The following TGM6 variants were observed in gnomAD, a reference collection of about 807,000 sequenced individuals.
TGM6 encodes protein-glutamine gamma-glutamyltransferase 6.
TGM6 carries 74 observed loss-of-function variants against 77.5 expected under a neutral mutation model. The observed-to-expected ratio is 0.96, with a 90% confidence interval of 0.79 to 1.16. The LOEUF (loss-of-function observed/expected upper bound fraction) is 1.16. Among genes scored for constraint, TGM6 ranks in the 50% most tolerant of loss-of-function variants. TGM6 has a pLI of 0.00. For missense variants in TGM6, 968 were observed against 940.2 expected (o/e 1.03, Z -0.39); for synonymous variants, 383 against 378.9 (o/e 1.01, Z -0.12).
At chr20:2,386,556 T>C (rs941434165) in intron 1 of TGM6, among the ~76,000 whole-genome samples, 4 of 152,104 alleles carry the variant, frequency 2.6e-5, no homozygotes, top group African/African-American at 9.7e-5. Context: ...GGAAGGGCTT[T>C]CTAACATTGG....
At chr20:2,393,609 C>T (rs2084642484) in intron 1 of TGM6, among the ~76,000 whole-genome samples, 2 of 152,142 alleles carry the variant, frequency 1.3e-5, no homozygotes, top group African/African-American at 2.4e-5. Context: ...TCTGAGCTCA[C>T]GGCAACTTCC....
chr20:2,431,113 TGA>T (rs1452809100), intron 12 of TGM6, 86 bp downstream of exon 12: 2 of 1,571,178 alleles, frequency 1.3e-6, no homozygotes, highest in Non-Finnish European at 1.7e-6. Flanking sequence ...GATGGGGGTG[TGA>T]GAGAGATTCT....
intron 1 of TGM6, among the ~76,000 whole-genome samples, chr20:2,385,089 G>A (rs2422758): frequency 0.89 from 135,271 of 152,176 alleles, 60,356 homozygotes; most frequent in Middle Eastern, 0.93. Context: ...CTGGGACCAT[G>A]ATCACGTATT....
chr20:2,382,214 TAAC>T (rs2084559848), intron 1 of TGM6, among the ~76,000 whole-genome samples: 1 of 152,258 alleles, frequency 6.6e-6, no homozygotes, highest in African/African-American at 2.4e-5. Context: ...TCCTGGCAGT[TAAC>T]AGCATTGCTG....
At chr20:2,431,177 T>G in intron 12 of TGM6, 150 bp downstream of exon 12, 1 of 901,186 alleles carries the variant, frequency 1.1e-6, no homozygotes, top group South Asian at 2.0e-5. Flanking sequence ...TTCATTCACT[T>G]ATTTATTCCT....
At chr20:2,414,489 G>A (rs868191493) in intron 9 of TGM6, among the ~76,000 whole-genome samples, 1 of 152,136 alleles carries the variant, frequency 6.6e-6, no homozygotes. Flanking sequence ...CAGCCACTTT[G>A]GAAAACACTT....
In TGM6 at chr20:2,417,228, G is replaced by A. The variant is rs779442029; in HGVS notation, c.1337-4G>A. On this transcript the variant is annotated splice_region_variant and splice_polypyrimidine_tract_variant and intron_variant, in intron 9 of 12. Coordinates refer to ENST00000202625, the MANE Select transcript of TGM6 (RefSeq NM_198994.3). ...TGCCGCTGACGTTGTGTGATGCCCT[G>A]CAGGGTCCCGGAAAGAGAGGCAGGT... The A allele has an allele frequency of 6.3e-6, 10 of 1,593,644 alleles. No individual in the cohort carries two copies. Among genetic ancestry groups the A allele is most frequent in the Non-Finnish European group, 8.5e-6 (10 of 1,170,270 alleles).
At chr20:2,411,717 G>A (rs1329319088) in intron 9 of TGM6, among the ~76,000 whole-genome samples, 1 of 152,124 alleles carries the variant, frequency 6.6e-6, no homozygotes, top group African/African-American at 2.4e-5. Flanking sequence ...ATATCTATGT[G>A]CAAAAGACTG....
intron 1 of TGM6, among the ~76,000 whole-genome samples, chr20:2,384,846 C>T (rs1422720345): frequency 6.6e-6 from 1 of 152,136 alleles, no homozygotes; most frequent in African/African-American, 2.4e-5. Context: ...ACATCCTTTC[C>T]CTGTGCCTGG....
intron 1 of TGM6, among the ~76,000 whole-genome samples, chr20:2,391,814 C>T (rs1244485021): frequency 2.0e-5 from 3 of 152,182 alleles, no homozygotes; most frequent in Non-Finnish European, 2.9e-5. Context: ...GCAGACTCTT[C>T]ATCCCACTCC....
intron 9 of TGM6, among the ~76,000 whole-genome samples, chr20:2,408,818 A>T (rs1158113551): frequency 6.6e-6 from 1 of 152,224 alleles, no homozygotes; most frequent in African/African-American, 2.4e-5. Context: ...CTTAAAGGAT[A>T]AAGGAGCTGA....
At chr20:2,392,399 A>T (rs1406161197) in intron 1 of TGM6, among the ~76,000 whole-genome samples, 1 of 152,174 alleles carries the variant, frequency 6.6e-6, no homozygotes, top group Admixed American at 6.5e-5. Flanking sequence ...GCCCTCTGTT[A>T]GTGTTCTTTC....
intron 10 of TGM6, among the ~76,000 whole-genome samples, chr20:2,421,422 G>A (rs2084855838): frequency 6.6e-6 from 1 of 152,220 alleles, no homozygotes; most frequent in Non-Finnish European, 1.5e-5. Context: ...GAATATATGA[G>A]CATTCCTGTT....
At chr20:2,404,647 T>C (rs974998077) in intron 9 of TGM6, among the ~76,000 whole-genome samples, 3 of 151,978 alleles carry the variant, frequency 2.0e-5, no homozygotes, top group Non-Finnish European at 2.9e-5. Context: ...TGCACTTTTT[T>C]TTTTTTCTTT....
intron 1 of TGM6, among the ~76,000 whole-genome samples, chr20:2,382,206 C>G (rs774656317): frequency 3.9e-5 from 6 of 152,174 alleles, no homozygotes; most frequent in Non-Finnish European, 7.3e-5. Flanking sequence ...ATATTTCCTC[C>G]TGGCAGTTAA....
At chr20:2,418,269 G>A (rs957091077) in intron 10 of TGM6, among the ~76,000 whole-genome samples, 5 of 152,188 alleles carry the variant, frequency 3.3e-5, no homozygotes, top group African/African-American at 9.7e-5. Context: ...AAAGTGCTGG[G>A]ATGACAGGCT....
Position 2,399,570 on chromosome 20 carries a change from A to C in TGM6, c.682A>C (p.Asn228His). 6.2e-7 allele frequency: 1 copy of C among 1,612,798 alleles called. No homozygotes were observed. Among genetic ancestry groups the C allele is most frequent in the Non-Finnish European group, 8.5e-7 (1 of 1,179,912 alleles). ...GCCCTCCTCTGCCCAGGTGAACAGC[A>C]ACAACGACCGAGGTGTGGTGCAAGG... ...TRVISAMVNS[N>H]NDRGVVQGQW... The change falls in exon 6 of 13, where the codon AAC becomes CAC. Residue 228 changes from asparagine to histidine, a missense_variant. Physicochemically the swap from Asn to His is moderately conservative, Grantham distance 68 (BLOSUM62 1). Coordinates refer to ENST00000202625, the MANE Select transcript of TGM6 (RefSeq NM_198994.3).
chr20:2,394,562 C>A lies in TGM6; in HGVS notation c.118C>A (p.Leu40Ile). The change falls in exon 2 of 13, where the codon CTC (leucine) becomes ATC (isoleucine). Residue 40 changes from leucine to isoleucine, a missense_variant. Leu to Ile is a conservative substitution (Grantham distance 5, BLOSUM62 2). Transcript: ENST00000202625. ...LVVRRGQSFS[L>I]TLELSRALDC... ...GGTTCGCAGGGGCCAGTCGTTCAGC[C>A]TCACGCTGGAGCTGAGCAGAGCCCT... 1.2e-6 allele frequency: 2 copies of A among 1,612,404 alleles called. No homozygotes were observed. The highest frequency in any genetic ancestry group is 1.7e-6 in the Non-Finnish European group (2 of 1,179,876).
In TGM6 at chr20:2,432,750, A is replaced by G; in HGVS notation, c.*107A>G. ...GGAGGCCTCAGTTAATCCTGCCTCA[A>G]CCTCTGCCCTACTTTGTAAACTTAG... On this transcript the variant is annotated 3_prime_UTR_variant, in exon 13 of 13. Coordinates refer to ENST00000202625, the MANE Select transcript of TGM6 (RefSeq NM_198994.3). 2 of 1,502,632 alleles carry G rather than the reference A, an allele frequency of 1.3e-6. No individual in the cohort carries two copies. Among genetic ancestry groups the G allele is most frequent in the South Asian group, 1.1e-5 (1 of 87,706 alleles). 93.1% of individuals were successfully genotyped at this position (1,502,632 alleles called of 1,614,324 possible).
Sources: gnomAD v4.1 joint callset for allele counts (sites outside exome capture counted in the v4.1 genomes callset) on GRCh38, gnomAD v4.1.1 for gene constraint, MANE v1.5 for transcripts, NCBI Gene and HGNC (gene_info 2026-07-23, HGNC 2026-07-21) for gene names.